The following VAT1L variants were observed in gnomAD, a reference collection of about 807,000 sequenced individuals.
VAT1L encodes the protein putative NADPH-dependent quinone oxidoreductase VAT1L.
VAT1L carries 34 observed loss-of-function variants against 44.1 expected under a neutral mutation model. That is an observed-to-expected ratio of 0.77 (90% confidence interval 0.59 to 1.03). The LOEUF (loss-of-function observed/expected upper bound fraction) is 1.03. Ranked by LOEUF, VAT1L falls within the 50% of genes least tolerant of loss-of-function variation. VAT1L has a pLI of 0.00. For missense variants in VAT1L, 615 were observed against 538.8 expected (o/e 1.14, Z -1.40); for synonymous variants, 253 against 202.2 (o/e 1.25, Z -2.13).
intron 7 of VAT1L, among the ~76,000 whole-genome samples, chr16:77,968,993 T>A (rs75538958): frequency 0.14 from 22,007 of 151,868 alleles, 1,816 homozygotes; most frequent in East Asian, 0.24. Context: ...TAATTTTTGT[T>A]TTTTTAGTAG....
intron 3 of VAT1L, among the ~76,000 whole-genome samples, chr16:77,841,897 T>A (rs1378706524): frequency 6.6e-6 from 1 of 151,082 alleles, no homozygotes; most frequent in Non-Finnish European, 1.5e-5. Context: ...TTCTTTTTCT[T>A]TTTTTTTTGA....
intron 7 of VAT1L, among the ~76,000 whole-genome samples, chr16:77,917,139 C>T (rs2017560581): frequency 6.6e-6 from 1 of 152,116 alleles, no homozygotes; most frequent in Non-Finnish European, 1.5e-5. Context: ...CCATGAAAGC[C>T]TCACTTCATT....
At chr16:77,956,575 A>G (rs2018105947) in intron 7 of VAT1L, among the ~76,000 whole-genome samples, 1 of 152,144 alleles carries the variant, frequency 6.6e-6, no homozygotes, top group Non-Finnish European at 1.5e-5. Flanking sequence ...TTTGGGGTTC[A>G]TCTCTTTCCT....
chr16:77,908,838 C>T (rs559205889), intron 7 of VAT1L, among the ~76,000 whole-genome samples: 2 of 152,150 alleles, frequency 1.3e-5, no homozygotes, highest in African/African-American at 4.8e-5. Context: ...GGCGTGAACC[C>T]GGGAGGCGGA....
chr16:77,962,741 A>AAGGAAGGAAGGAAGGAAGGAAGGG (rs2018176174), intron 7 of VAT1L, among the ~76,000 whole-genome samples: 1 of 122,640 alleles, frequency 8.2e-6, no homozygotes, highest in African/African-American at 2.9e-5. Context: ...AGAAGGAAAG[A>AAGGAAGGAAGGAAGGAAGGAAGGG]AGGAAGGAAG....
chr16:77,825,544 C>A, intron 3 of VAT1L, 83 bp downstream of exon 3: 1 of 1,437,448 alleles, frequency 7.0e-7, no homozygotes, highest in Non-Finnish European at 9.5e-7. Context: ...CTTATGTGAG[C>A]TATGTCCTTT....
chr16:77,816,576 A>G (rs936195202), intron 1 of VAT1L, among the ~76,000 whole-genome samples: 1 of 152,206 alleles, frequency 6.6e-6, no homozygotes, highest in Non-Finnish European at 1.5e-5. Context: ...AAGAACTCTG[A>G]TAGCCAGGCT....
intron 7 of VAT1L, among the ~76,000 whole-genome samples, chr16:77,924,373 G>C (rs2017644057): frequency 6.6e-6 from 1 of 152,048 alleles, no homozygotes; most frequent in Non-Finnish European, 1.5e-5. Flanking sequence ...TTAAGCTTTA[G>C]TGTATGAGAG....
intron 3 of VAT1L, among the ~76,000 whole-genome samples, chr16:77,861,972 A>G (rs768878291): frequency 1.3e-5 from 2 of 152,170 alleles, no homozygotes; most frequent in Non-Finnish European, 2.9e-5. Flanking sequence ...TCCGGAGATC[A>G]TTGTCCAGGT....
At chr16:77,853,726 G>A (rs199666565) in intron 3 of VAT1L, among the ~76,000 whole-genome samples, 1 of 152,222 alleles carries the variant, frequency 6.6e-6, no homozygotes, top group East Asian at 1.9e-4. Flanking sequence ...GTGATGTTGA[G>A]GCTGCTGGCT....
chr16:77,813,078 C>G (rs2016292408), intron 1 of VAT1L, among the ~76,000 whole-genome samples: 1 of 151,996 alleles, frequency 6.6e-6, no homozygotes, highest in East Asian at 1.9e-4. Context: ...CAAAAACATT[C>G]TAACTAAGAA....
chr16:77,821,387 G>T (rs1431459789), intron 2 of VAT1L, among the ~76,000 whole-genome samples: 3 of 149,938 alleles, frequency 2.0e-5, no homozygotes, highest in Non-Finnish European at 4.4e-5. Context: ...CACAACCTCT[G>T]TCTCACAGGT....
chr16:77,883,464 G>C (rs2017175828), intron 6 of VAT1L, among the ~76,000 whole-genome samples: 1 of 152,142 alleles, frequency 6.6e-6, no homozygotes, highest in South Asian at 2.1e-4. Context: ...CTTTAGTCCA[G>C]GGCATCTCGG....
At chr16:77,825,939 C>T (rs57080465) in intron 3 of VAT1L, among the ~76,000 whole-genome samples, 2 of 145,080 alleles carry the variant, frequency 1.4e-5, no homozygotes, top group South Asian at 2.2e-4. Flanking sequence ...AGAAGAATGG[C>T]GTGAACCCGG....
At chr16:77,825,167 A>G (rs925563027) in intron 2 of VAT1L, 79 bp from the exon 3 acceptor site, 1 of 1,523,754 alleles carries the variant, frequency 6.6e-7, no homozygotes, top group African/African-American at 1.4e-5. Flanking sequence ...GCGCCTGGCC[A>G]GCTCCCAGTA....
chr16:77,903,276 G>A lies in VAT1L; in HGVS notation c.1077+18474G>A, dbSNP rs185650004. 2.2e-3 allele frequency among the ~76,000 whole-genome samples: 339 copies of A among 152,210 alleles called. 2 individuals carry two copies. Among genetic ancestry groups the A allele is most frequent in the African/African-American group, 7.7e-3 (318 of 41,560 alleles). ...ACACAGAAAATATGATATTCCCCCC[G>A]CTATGTAAGCTCTACCTCTGATTTG... is the stretch of plus-strand genomic sequence containing the variant. On this transcript the variant is annotated intron_variant, in intron 7 of 8. Coordinates refer to ENST00000302536, the MANE Select transcript of VAT1L (RefSeq NM_020927.3).
chr16:77,823,174 C>G (rs567273748), intron 2 of VAT1L, among the ~76,000 whole-genome samples: 3 of 151,740 alleles, frequency 2.0e-5, no homozygotes, highest in Non-Finnish European at 4.4e-5. Flanking sequence ...GTTTTGGGAG[C>G]GCTCACCTCC....
At chr16:77,793,113 T>A (rs2015864049) in intron 1 of VAT1L, among the ~76,000 whole-genome samples, 1 of 152,188 alleles carries the variant, frequency 6.6e-6, no homozygotes, top group South Asian at 2.1e-4. Flanking sequence ...TTATTCAAAC[T>A]GGAACTCTTA....
intron 7 of VAT1L, among the ~76,000 whole-genome samples, chr16:77,914,344 G>A (rs1212476977): frequency 6.6e-6 from 1 of 152,112 alleles, no homozygotes; most frequent in Non-Finnish European, 1.5e-5. Flanking sequence ...TACCTGTATG[G>A]TGGAGTACTA....
Sources: gnomAD v4.1 joint callset for allele counts (sites outside exome capture counted in the v4.1 genomes callset) on GRCh38, gnomAD v4.1.1 for gene constraint, MANE v1.5 for transcripts, NCBI Gene and HGNC (gene_info 2026-07-23, HGNC 2026-07-21) for gene names.